The following ALMS1 variants were observed in gnomAD, a reference collection of about 807,000 sequenced individuals.
ALMS1 encodes centrosome-associated protein ALMS1.
Under a neutral mutation model 352.2 loss-of-function variants are expected in ALMS1, and 271 were observed. The observed-to-expected ratio is 0.77, with a 90% CI of 0.70 to 0.85. The LOEUF (loss-of-function observed/expected upper bound fraction) is 0.85. Ranked by LOEUF, ALMS1 falls within the 40% of genes least tolerant of loss-of-function variation. ALMS1 has a pLI of 0.00. For synonymous variants in ALMS1, 1,865 were observed against 1,761.2 expected (o/e 1.06, Z -1.48); for missense variants, 5,445 against 4,870.7 (o/e 1.12, Z -3.51).
Position 73,425,190 on chromosome 2 carries a change from G to A in ALMS1, c.1237+288G>A, listed in dbSNP as rs187910252. Among the ~76,000 whole-genome samples the A allele has an allele frequency of 2.2e-3, 338 of 152,256 alleles. 1 individual carries two copies. Among genetic ancestry groups the A allele is most frequent in the African/African-American group, 7.1e-3 (296 of 41,556 alleles). On this transcript the variant is annotated intron_variant, in intron 5 of 22. Transcript: ENST00000613296. ...TTCTGATAGTCATTATTTTGAGAATGTTTATTTAAGGGCTCCAGCTGAGAT... is the reference window on the plus strand; with the variant it reads ...TTCTGATAGTCATTATTTTGAGAATATTTATTTAAGGGCTCCAGCTGAGAT...
chr2:73,411,041 C>A (rs1210729719), intron 2 of ALMS1, among the ~76,000 whole-genome samples: 1 of 151,780 alleles, frequency 6.6e-6, no homozygotes, highest in Admixed American at 6.6e-5. Flanking sequence ...CGAATTGTGC[C>A]CTCCCAAATT....
chr2:73,510,381 T>C (rs1673423852), intron 10 of ALMS1, among the ~76,000 whole-genome samples: 1 of 152,210 alleles, frequency 6.6e-6, no homozygotes, highest in Non-Finnish European at 1.5e-5. Context: ...GTTGGTGAAC[T>C]TCAGATGGAG....
rs769786449 is a variant in ALMS1 at position 73,519,814 on chromosome 2, T to G, written c.9579T>G (p.Ser3193=). Reference sequence around the variant, plus strand: ...TGAAGACCCCACTTTCTGCTTTCTCTGAAAAATTGTCATCTGATGCAGTCA... The same window carrying G: ...TGAAGACCCCACTTTCTGCTTTCTCGGAAAAATTGTCATCTGATGCAGTCA... ...EKMKTPLSAF[S]EKLSSDAVTQ... The change falls in exon 11 of 23, where the codon TCT becomes TCG. Residue 3193 remains serine, a synonymous_variant. Transcript: ENST00000613296. The G allele has an allele frequency of 6.2e-7, 1 of 1,614,040 alleles. No homozygotes were observed. The highest frequency in any genetic ancestry group is 8.5e-7 in the Non-Finnish European group (1 of 1,179,934).
At chr2:73,491,882 C>CCT (rs138363568) in intron 10 of ALMS1, among the ~76,000 whole-genome samples, 1 of 151,108 alleles carries the variant, frequency 6.6e-6, no homozygotes, top group Non-Finnish European at 1.5e-5. Flanking sequence ...TCCCGCTCTC[C>CCT]CTCTCTCTCT....
At chr2:73,420,252 C>T (rs1349435400) in intron 3 of ALMS1, among the ~76,000 whole-genome samples, 1 of 152,192 alleles carries the variant, frequency 6.6e-6, no homozygotes, top group Non-Finnish European at 1.5e-5. Context: ...GCTACCTCCT[C>T]TTCTGGGAAG....
Position 73,490,259 on chromosome 2 carries a change from A to G in ALMS1, c.8300A>G (p.Lys2767Arg), listed in dbSNP as rs746487959. The change falls in exon 10 of 23, where the codon AAA becomes AGA. Residue 2767 changes from lysine to arginine, a missense_variant. By Grantham distance (26) the Lys-to-Arg change is conservative. Coordinates refer to ENST00000613296, the MANE Select transcript of ALMS1 (RefSeq NM_001378454.1). Reference protein sequence around the residue: ...EQNPPRDLKQKTSSPSSFKMH... With the variant: ...EQNPPRDLKQRTSSPSSFKMH... Reference sequence around the variant, plus strand: ...AATCCTCCCAGAGATCTTAAACAGAAAACCTCTTCCCCTTCATCATTTAAA... The same window carrying G: ...AATCCTCCCAGAGATCTTAAACAGAGAACCTCTTCCCCTTCATCATTTAAA... 1 of 1,614,092 alleles carries G rather than the reference A, an allele frequency of 6.2e-7. No individual in the cohort carries two copies. Among genetic ancestry groups the G allele is most frequent in the Non-Finnish European group, 8.5e-7 (1 of 1,179,998 alleles).
chr2:73,432,176 G>T, intron 6 of ALMS1, 22 bp from the exon 7 acceptor site: 1 of 1,570,334 alleles, frequency 6.4e-7, no homozygotes. Context: ...CATTTTTATT[G>T]CCTTCATTTG....
At chr2:73,591,332 G>C (rs552900760) in intron 16 of ALMS1, among the ~76,000 whole-genome samples, 1 of 152,222 alleles carries the variant, frequency 6.6e-6, no homozygotes, top group South Asian at 2.1e-4. Flanking sequence ...TTATTTTTGT[G>C]TGTATAGGTA....
chr2:73,493,339 G>T (rs11890811), intron 10 of ALMS1, among the ~76,000 whole-genome samples: 11,982 of 138,812 alleles, frequency 0.086, 1,226 homozygotes, highest in African/African-American at 0.26. Context: ...CCATAAATAA[G>T]GCAAACTACA....
At chr2:73,402,634 C>T (rs954126517) in intron 1 of ALMS1, among the ~76,000 whole-genome samples, 1 of 152,142 alleles carries the variant, frequency 6.6e-6, no homozygotes, top group African/African-American at 2.4e-5. Context: ...ACATTGCCAC[C>T]AGCAGTGTAC....
chr2:73,450,342 T>C lies in ALMS1; in HGVS notation c.3815T>C (p.Val1272Ala). The change falls in exon 8 of 23, where the codon GTT becomes GCT. Residue 1272 changes from valine to alanine, a missense_variant. Transcript: ENST00000613296. ...ALKISVASEP[V>A]DQTTGTPAVT... ...AAAATTTCAGTTGCCTCTGAACCAG[T>C]TGACCAGACAACTGGCACACCAGCT... is the stretch of plus-strand genomic sequence containing the variant. 6.2e-7 allele frequency: 1 copy of C among 1,611,232 alleles called. No homozygotes were observed. Among genetic ancestry groups the C allele is most frequent in the South Asian group, 1.1e-5 (1 of 90,944 alleles).
intron 1 of ALMS1, among the ~76,000 whole-genome samples, chr2:73,402,019 A>G (rs1357740132): frequency 3.4e-5 from 5 of 145,176 alleles, no homozygotes; most frequent in East Asian, 2.0e-4. Flanking sequence ...CCTCGTGTGT[A>G]TGTGTGTGTG....
chr2:73,441,029 G>C (rs1464489122), intron 7 of ALMS1, among the ~76,000 whole-genome samples: 1 of 152,168 alleles, frequency 6.6e-6, no homozygotes. Flanking sequence ...TCTTCCTCAA[G>C]GCCTGCTGGT....
chr2:73,524,430 T>G (rs1673746498), intron 11 of ALMS1, among the ~76,000 whole-genome samples: 1 of 152,130 alleles, frequency 6.6e-6, no homozygotes, highest in Non-Finnish European at 1.5e-5. Context: ...ACAATCCAGT[T>G]ACATTATTTT....
At chr2:73,594,390 A>G (rs1240466717) in intron 16 of ALMS1, among the ~76,000 whole-genome samples, 3 of 152,268 alleles carry the variant, frequency 2.0e-5, no homozygotes, top group South Asian at 2.1e-4. Context: ...GAAAACGGAA[A>G]CATTCCAAGG....
chr2:73,448,642 G>T lies in ALMS1; in HGVS notation c.2115G>T (p.Lys705Asn). 1 of 1,613,498 alleles carries T rather than the reference G, an allele frequency of 6.2e-7. No individual in the cohort carries two copies. The highest frequency in any genetic ancestry group is 1.3e-5 in the African/African-American group (1 of 74,766). ...CTGTGTCTGGACCAGCTGACCAGAAGACTGGGACAGCAACAGTACTCTCTA... is the reference window on the plus strand; with the variant it reads ...CTGTGTCTGGACCAGCTGACCAGAATACTGGGACAGCAACAGTACTCTCTA... ...VSAVSGPADQ[K>N]TGTATVLSTP... The change falls in exon 8 of 23, where the codon AAG becomes AAT. Residue 705 changes from lysine to asparagine, a missense_variant. Physicochemically the swap from Lys to Asn is moderately conservative, Grantham distance 94. Transcript: ENST00000613296.
At position 73,490,039 on chromosome 2, in the gene ALMS1, G is replaced by A; in HGVS notation, c.8080G>A (p.Val2694Met). 1 of 1,614,194 alleles carries A rather than the reference G, an allele frequency of 6.2e-7. No individual in the cohort carries two copies. Among genetic ancestry groups the A allele is most frequent in the South Asian group, 1.1e-5 (1 of 91,086 alleles). ...VEPAFVPPKE[V>M]DFHSSSQMPS... ...ACCTGCTTTTGTGCCACCTAAAGAAGTGGATTTTCATTCTTCATCACAAAT... is the reference window on the plus strand; with the variant it reads ...ACCTGCTTTTGTGCCACCTAAAGAAATGGATTTTCATTCTTCATCACAAAT... Residue 2694 changes from valine (V) to methionine (M), a missense_variant, in exon 10 of 23, where the codon GTG becomes ATG. Coordinates refer to ENST00000613296, the MANE Select transcript of ALMS1 (RefSeq NM_001378454.1).
chr2:73,600,988 C>T, intron 18 of ALMS1, 107 bp downstream of exon 18: 40 of 1,417,486 alleles, frequency 2.8e-5, no homozygotes, highest in Non-Finnish European at 3.8e-5. Context: ...CCCACCTACC[C>T]CCAGCCACAA....
chr2:73,486,304 G>C (rs146204825), intron 9 of ALMS1, among the ~76,000 whole-genome samples: 1 of 152,098 alleles, frequency 6.6e-6, no homozygotes, highest in Non-Finnish European at 1.5e-5. Flanking sequence ...GGTAGGCTTC[G>C]CTAGACTTTC....
Sources: allele counts gnomAD v4.1 joint callset (sites outside exome capture counted in the v4.1 genomes callset), GRCh38; gene constraint gnomAD v4.1.1; transcripts MANE v1.5; gene names NCBI Gene and HGNC (gene_info 2026-07-23, HGNC 2026-07-21).